The following GDI2 variants were observed in gnomAD, a reference collection of about 807,000 sequenced individuals.
GDI2 encodes the protein GDP dissociation inhibitor 2.
Under a neutral mutation model 54.2 loss-of-function variants are expected in GDI2, and 22 were observed. The observed-to-expected ratio is 0.41, with a 90% CI of 0.29 to 0.58. The LOEUF is 0.58. Ranked by LOEUF, GDI2 falls within the 20% of genes least tolerant of loss-of-function variation. The pLI is 0.35. For missense variants in GDI2, 422 were observed against 546.0 expected (o/e 0.77, Z 2.26); for synonymous variants, 177 against 182.1 (o/e 0.97, Z 0.23).
At chr10:5,789,382 G>A (rs568480716) in intron 4 of GDI2, among the ~76,000 whole-genome samples, 2 of 152,078 alleles carry the variant, frequency 1.3e-5, no homozygotes, top group Non-Finnish European at 2.9e-5. Context: ...TTACAGCCAT[G>A]AGCCACAGTA....
intron 1 of GDI2, among the ~76,000 whole-genome samples, chr10:5,806,702 G>A (rs189692897): frequency 6.2e-4 from 94 of 152,104 alleles, no homozygotes; most frequent in Non-Finnish European, 9.4e-4. Context: ...ATTTACTTTT[G>A]GGGGGTGGGG....
At chr10:5,810,466 T>G (rs1008624072) in intron 1 of GDI2, among the ~76,000 whole-genome samples, 1 of 152,176 alleles carries the variant, frequency 6.6e-6, no homozygotes, top group Non-Finnish European at 1.5e-5. Flanking sequence ...AAGTAAATGT[T>G]GCCAGCCTAA....
At chr10:5,795,622 T>C (rs773030502) in intron 3 of GDI2, among the ~76,000 whole-genome samples, 40 of 152,188 alleles carry the variant, frequency 2.6e-4, no homozygotes, top group Non-Finnish European at 5.0e-4. Flanking sequence ...ATTAGAGATA[T>C]GAGGTTTGGA....
intron 4 of GDI2, 51 bp from the exon 5 acceptor site, chr10:5,786,101 G>A (rs1361289131): frequency 1.6e-6 from 2 of 1,227,302 alleles, no homozygotes; most frequent in Non-Finnish European, 1.2e-6. Context: ...AGACATTGAG[G>A]AGAACGAAGT....
intron 7 of GDI2, among the ~76,000 whole-genome samples, chr10:5,772,791 G>T (rs2131683930): frequency 6.6e-6 from 1 of 152,218 alleles, no homozygotes; most frequent in South Asian, 2.1e-4. Context: ...TAACATTTTA[G>T]TAGATAAAAC....
chr10:5,805,050 TCTCAAACTCCTGACCTCATGATCC>T (rs1841346690), intron 1 of GDI2, among the ~76,000 whole-genome samples: 1 of 151,892 alleles, frequency 6.6e-6, no homozygotes, highest in Non-Finnish European at 1.5e-5. Context: ...GACAGGCTGG[TCTCAAACTCCTGACCTCATGATCC>T]ACCCGCATCA....
chr10:5,780,094 T>A (rs912789491), intron 6 of GDI2, among the ~76,000 whole-genome samples: 1 of 151,662 alleles, frequency 6.6e-6, no homozygotes, highest in Non-Finnish European at 1.5e-5. Context: ...CTGTAGTCCC[T>A]ACTACTCAAG....
Position 5,766,128 on chromosome 10 carries a change from C to T in GDI2, c.1216G>A (p.Ala406Thr). Reference protein sequence around the residue: ...SQIFISRTYDATTHFETTCDD... With the variant: ...SQIFISRTYDTTTHFETTCDD... ...CACGTTGTCTCAAAATGAGTGGTGG[C>T]ATCATATGTGCGGGAAATAAAGATC... Residue 406 changes from alanine to threonine, a missense_variant, in exon 11 of 11, where the codon GCC becomes ACC. Coordinates refer to ENST00000380191, the MANE Select transcript of GDI2 (RefSeq NM_001494.4). This position sits in a 1 kb window ranked among gnomAD's most constrained non-coding sequence, Gnocchi z 5.8. 6.2e-7 allele frequency: 1 copy of T among 1,613,364 alleles called. No individual in the cohort carries two copies. The highest frequency in any genetic ancestry group is 8.5e-7 in the Non-Finnish European group (1 of 1,179,372).
At chr10:5,782,798 T>C (rs1840789609) in intron 6 of GDI2, among the ~76,000 whole-genome samples, 2 of 152,114 alleles carry the variant, frequency 1.3e-5, no homozygotes, top group Admixed American at 6.6e-5. Flanking sequence ...CCGGATGTGG[T>C]GGTGCATGCC....
intron 2 of GDI2, among the ~76,000 whole-genome samples, chr10:5,797,635 AAT>A (rs1841178884): frequency 6.0e-4 from 1 of 1,676 alleles, no homozygotes; most frequent in Admixed American, 0.015. Flanking sequence ...GAATCACATG[AAT>A]CTGGGAGGTG....
In GDI2 at chr10:5,766,725, G is replaced by T; in HGVS notation, c.992-87C>A. 2 of 1,082,374 alleles carry T rather than the reference G, an allele frequency of 1.8e-6. No individual in the cohort carries two copies. The highest frequency in any genetic ancestry group is 2.8e-6 in the Non-Finnish European group (2 of 720,474). The allele number at this position is 1,082,374 out of a possible 1,614,324, so 67.0% of individuals were successfully genotyped here. On this transcript the variant is annotated intron_variant, in intron 8 of 10. Coordinates refer to ENST00000380191, the MANE Select transcript of GDI2 (RefSeq NM_001494.4). The surrounding 1 kb of genome is among the most constrained non-coding windows in gnomAD (Gnocchi z 5.8). Reference sequence around the variant, plus strand: ...AGGTATCACCCATATGTCATGAGGTGTGAGTTAAAATTACTCTCAATAGGC... The same window carrying T: ...AGGTATCACCCATATGTCATGAGGTTTGAGTTAAAATTACTCTCAATAGGC...
intron 6 of GDI2, among the ~76,000 whole-genome samples, chr10:5,775,228 C>T (rs1370534541): frequency 6.6e-6 from 1 of 151,914 alleles, no homozygotes; most frequent in African/African-American, 2.4e-5. Context: ...GTCGAGGCTG[C>T]AGTAAGTCGT....
Position 5,766,730 on chromosome 10 carries a change from T to C in GDI2, c.992-92A>G. ...TCACCCATATGTCATGAGGTGTGAGTTAAAATTACTCTCAATAGGCAAGAT... is the reference window on the plus strand; with the variant it reads ...TCACCCATATGTCATGAGGTGTGAGCTAAAATTACTCTCAATAGGCAAGAT... On this transcript the variant is annotated intron_variant, in intron 8 of 10. Transcript: ENST00000380191. This position sits in a 1 kb window ranked among gnomAD's most constrained non-coding sequence, Gnocchi z 5.8. 1 of 969,982 alleles carries C rather than the reference T, an allele frequency of 1.0e-6. No individual in the cohort carries two copies. Among genetic ancestry groups the C allele is most frequent in the South Asian group, 1.5e-5 (1 of 68,188 alleles). 60.1% of individuals were successfully genotyped at this position (969,982 alleles called of 1,614,324 possible). A position where few individuals can be genotyped will look rare whatever the true frequency, so the allele number is the denominator to read the frequency against.
rs144301808 is a variant in GDI2, at chr10:5,785,258, C to T, written c.603G>A (p.Pro201=). The stretch of plus-strand genomic sequence containing the variant: ...TAATTCTATTAATGGTTTCATAACA[C>T]GGTTGATCTAAGTAACTGGAAGAAA... ...LYRTDDYLDQ[P]CYETINRIKL... is the part of the protein sequence containing the mutation. Residue 201 remains proline, a synonymous_variant, in exon 6 of 11, where the codon CCG becomes CCA. Transcript: ENST00000380191. The T allele has an allele frequency of 5.1e-5, 82 of 1,597,624 alleles. 1 individual carries two copies. In the East Asian group the frequency reaches 1.2e-3, roughly 24 times the overall value.
At chr10:5,800,546 A>T in intron 2 of GDI2, 52 bp downstream of exon 2, 1 of 858,266 alleles carries the variant, frequency 1.2e-6, no homozygotes, top group South Asian at 1.3e-5. Flanking sequence ...GAGATTCACA[A>T]GTGAAATACT....
At chr10:5,811,629 G>C (rs1168090367) in intron 1 of GDI2, among the ~76,000 whole-genome samples, 1 of 143,290 alleles carries the variant, frequency 7.0e-6, no homozygotes, top group African/African-American at 2.6e-5. Flanking sequence ...AAACTACTAA[G>C]CTCAGCTTGG....
At position 5,809,111 on chromosome 10, in the gene GDI2, G is replaced by A. The variant is rs924573139; in HGVS notation, c.45+4103C>T. Among the ~76,000 whole-genome samples, 6 of 152,124 alleles carry A rather than the reference G, an allele frequency of 3.9e-5. No individual in the cohort carries two copies. In the East Asian group the frequency reaches 1.2e-3, roughly 29 times the overall value. On this transcript the variant is annotated intron_variant, in intron 1 of 10. Coordinates refer to ENST00000380191, the MANE Select transcript of GDI2 (RefSeq NM_001494.4). ...AATACAAATATTAGCTGGGCATGGT[G>A]GCAGGCACCTGTAATCCCAGCTACC... is the stretch of plus-strand genomic sequence containing the variant.
rs753553466 is a variant in GDI2 at position 5,766,084 on chromosome 10, G to T, written c.1260C>A (p.Ile420=). 1.1e-5 allele frequency: 17 copies of T among 1,607,842 alleles called. No homozygotes were observed. The highest frequency in any genetic ancestry group is 1.7e-4 in the Middle Eastern group (1 of 6,024). ...FETTCDDIKN[I]YKRMTGSEFD... is the part of the protein sequence containing the mutation. ...ACTCTGATCCTGTCATCCTCTTATA[G>T]ATGTTTTTAATGTCATCACACGTTG... Residue 420 remains isoleucine, a synonymous_variant, in exon 11 of 11, where the codon ATC becomes ATA. Transcript: ENST00000380191. This position sits in a 1 kb window ranked among gnomAD's most constrained non-coding sequence, Gnocchi z 5.8.
At position 5,774,130 on chromosome 10, in the gene GDI2, G is replaced by A. The variant is rs143391592; in HGVS notation, c.720-189C>T. On this transcript the variant is annotated intron_variant, in intron 6 of 10. Coordinates refer to ENST00000380191, the MANE Select transcript of GDI2 (RefSeq NM_001494.4). This position sits in a 1 kb window ranked among gnomAD's most constrained non-coding sequence, Gnocchi z 4.8. ...CACAAACATAATCAGTTATAAATACGAAGTCAAAAAAAATCACTAACCAGG... is the reference window on the plus strand; with the variant it reads ...CACAAACATAATCAGTTATAAATACAAAGTCAAAAAAAATCACTAACCAGG... Among the ~76,000 whole-genome samples the A allele has an allele frequency of 6.0e-5, 8 of 133,304 alleles. No homozygotes were observed. The East Asian group carries it at 1.8e-3, about 30-fold the overall frequency. The allele number at this position is 133,304 out of a possible 152,430, so 87.5% of individuals were successfully genotyped here.
Sources: gnomAD v4.1 joint callset for allele counts (sites outside exome capture counted in the v4.1 genomes callset) on GRCh38, gnomAD v4.1.1 for gene constraint, Gnocchi (gnomAD v3.1) non-coding constraint, MANE v1.5 for transcripts, NCBI Gene and HGNC (gene_info 2026-07-23, HGNC 2026-07-21) for gene names.